Variants in SLC22A25 observed in about 807,000 individuals in gnomAD.
The protein encoded by SLC22A25 is MGI:2442751, MGI:2385316, MGI:3042283, MGI:3645714, MGI:3605624, MGI:2442750.
Under a neutral mutation model 45.9 loss-of-function variants are expected in SLC22A25, and 44 were observed. The observed-to-expected ratio is 0.96, with a 90% CI of 0.75 to 1.23. The LOEUF is 1.23. Among genes scored for constraint, SLC22A25 ranks in the 50% most tolerant of loss-of-function variants. The pLI is 0.00. For synonymous variants in SLC22A25, 283 were observed against 238.6 expected (o/e 1.19, Z -1.72); for missense variants, 800 against 666.4 (o/e 1.20, Z -2.21).
chr11:63,228,896 T>A (rs1480757911), intron 4 of SLC22A25, among the ~76,000 whole-genome samples: 1 of 152,214 alleles, frequency 6.6e-6, no homozygotes, highest in Non-Finnish European at 1.5e-5. Flanking sequence ...TTGTAAGATA[T>A]AGTCTGGACT....
chr11:63,226,378 A>G (rs2089962238), intron 5 of SLC22A25, among the ~76,000 whole-genome samples: 1 of 152,214 alleles, frequency 6.6e-6, no homozygotes. Context: ...GCCTCCAAAC[A>G]TAGTAATGCT....
At position 63,228,514 on chromosome 11, in the gene SLC22A25, T is replaced by C. The variant is rs752499319; in HGVS notation, c.453A>G (p.Leu151=). 7.4e-6 allele frequency: 12 copies of C among 1,613,916 alleles called. No individual in the cohort carries two copies. Among genetic ancestry groups the C allele is most frequent in the Non-Finnish European group, 8.5e-6 (10 of 1,179,914 alleles). Residue 151 remains leucine, a synonymous_variant, in exon 5 of 12, where the codon CTA becomes CTG. Transcript: ENST00000306494. ...CTCCCACCATCATTCCAGCCATGAA[T>C]AGAAATTTAGCTACTGAATTCAGTG... ...SQPLNSVAKF[L]FMAGMMVGGN...
At chr11:63,176,308 T>A (rs2088086634) in intron 9 of SLC22A25, among the ~76,000 whole-genome samples, 1 of 152,048 alleles carries the variant, frequency 6.6e-6, no homozygotes, top group Non-Finnish European at 1.5e-5. Context: ...TTACTTTGAG[T>A]AGCATGAACA....
At chr11:63,168,058 G>C (rs2087746977) in intron 9 of SLC22A25, 1 of 223,198 alleles carries the variant, frequency 4.5e-6, no homozygotes, top group African/African-American at 2.4e-5. Flanking sequence ...AACTCCAGCA[G>C]ACCTGCAGAA....
chr11:63,166,648 A>G, intron 9 of SLC22A25: 1 of 1,005,762 alleles, frequency 9.9e-7, no homozygotes, highest in Non-Finnish European at 1.2e-6. Flanking sequence ...AACTCACAGT[A>G]AAGATCTAAG....
chr11:63,173,899 C>CTTTTTTTTTT (rs561742765), intron 9 of SLC22A25, among the ~76,000 whole-genome samples: 1 of 140,726 alleles, frequency 7.1e-6, no homozygotes. Flanking sequence ...ATTTTCTTTT[C>CTTTTTTTTTT]TTTTTTTTTT....
At chr11:63,207,519 C>T (rs918872342) in intron 7 of SLC22A25, among the ~76,000 whole-genome samples, 1 of 152,154 alleles carries the variant, frequency 6.6e-6, no homozygotes, top group Admixed American at 6.6e-5. Flanking sequence ...AAAAAAAGCT[C>T]ATCATCACTG....
At chr11:63,243,275 G>A in intron 1 of SLC22A25, 159 bp downstream of exon 1, 1 of 403,250 alleles carries the variant, frequency 2.5e-6, no homozygotes, top group South Asian at 2.4e-5. Context: ...ACTTCTGATG[G>A]TGGCCATTTG....
At chr11:63,190,409 G>A (rs978190391) in intron 7 of SLC22A25, among the ~76,000 whole-genome samples, 3 of 151,934 alleles carry the variant, frequency 2.0e-5, no homozygotes, top group African/African-American at 7.3e-5. Flanking sequence ...GTCCTTTAAG[G>A]ACTTCTCTGC....
chr11:63,172,311 A>G (rs947423281), intron 9 of SLC22A25, among the ~76,000 whole-genome samples: 3 of 152,180 alleles, frequency 2.0e-5, no homozygotes, highest in African/African-American at 7.2e-5. Context: ...TAATTAAACT[A>G]AAGAGCTTCT....
intron 5 of SLC22A25, among the ~76,000 whole-genome samples, chr11:63,220,609 T>C (rs538101582): frequency 6.6e-6 from 1 of 152,346 alleles, no homozygotes; most frequent in Admixed American, 6.5e-5. Context: ...TTATCCTTTG[T>C]GTTACAAACA....
chr11:63,190,634 G>T (rs751251282), intron 7 of SLC22A25, among the ~76,000 whole-genome samples: 13 of 151,088 alleles, frequency 8.6e-5, no homozygotes, highest in Non-Finnish European at 1.8e-4. Context: ...GATTTTTAGA[G>T]TTTCCAGTTT....
At chr11:63,216,724 AC>A (rs771067427) in intron 7 of SLC22A25, among the ~76,000 whole-genome samples, 1 of 152,158 alleles carries the variant, frequency 6.6e-6, no homozygotes, top group African/African-American at 2.4e-5. Flanking sequence ...TAGGCTTAAT[AC>A]CTAGGTGATA....
intron 7 of SLC22A25, among the ~76,000 whole-genome samples, chr11:63,212,156 A>G (rs2089585997): frequency 6.6e-6 from 1 of 152,032 alleles, no homozygotes; most frequent in African/African-American, 2.4e-5. Flanking sequence ...ATCATTAAAA[A>G]GTCAGGAAAC....
chr11:63,175,746 C>T (rs981543853), intron 9 of SLC22A25, among the ~76,000 whole-genome samples: 2 of 151,716 alleles, frequency 1.3e-5, no homozygotes, highest in Admixed American at 1.3e-4. Flanking sequence ...CATGTTAAGT[C>T]TTGAATCCAT....
chr11:63,185,943 G>T (rs1255684876), intron 7 of SLC22A25, among the ~76,000 whole-genome samples: 17 of 151,462 alleles, frequency 1.1e-4, no homozygotes, highest in Non-Finnish European at 2.1e-4. Context: ...CAGTCTATCA[G>T]TGTTGGACAT....
At chr11:63,192,590 A>T (rs2088854129) in intron 7 of SLC22A25, among the ~76,000 whole-genome samples, 1 of 152,220 alleles carries the variant, frequency 6.6e-6, no homozygotes, top group African/African-American at 2.4e-5. Flanking sequence ...TCTTTAAGAG[A>T]TCCATCTCAC....
chr11:63,238,203 G>A (rs1236137073), intron 2 of SLC22A25, among the ~76,000 whole-genome samples, 191 bp from the exon 3 acceptor site: 1 of 152,126 alleles, frequency 6.6e-6, no homozygotes, highest in Non-Finnish European at 1.5e-5. Flanking sequence ...CTTTCTCTAG[G>A]AAGCTGCCTC....
At chr11:63,167,286 C>G (rs916282630) in intron 9 of SLC22A25, 1 of 152,848 alleles carries the variant, frequency 6.5e-6, no homozygotes. Context: ...TTTTTTTCCC[C>G]CAGTGGGACC....
Sources: allele counts gnomAD v4.1 joint callset (sites outside exome capture counted in the v4.1 genomes callset), GRCh38; gene constraint gnomAD v4.1.1; transcripts MANE v1.5; gene names NCBI Gene and HGNC (gene_info 2026-07-23, HGNC 2026-07-21).